UGT2A2: variants seen among roughly 807,000 people sequenced by gnomAD.
UGT2A2 encodes UDP-glucuronosyltransferase 2A2.
A neutral mutation model predicts 50.7 loss-of-function variants in UGT2A2; 60 were observed. That is an observed-to-expected ratio of 1.18 (90% CI 0.96 to 1.47). The LOEUF (loss-of-function observed/expected upper bound fraction) is 1.47, where lower values mean the gene tolerates loss of function less well. Among genes scored for constraint, UGT2A2 ranks in the 40% most tolerant of loss-of-function variants. The pLI is 0.00. For synonymous variants in UGT2A2, 242 were observed against 214.6 expected, an observed-to-expected ratio of 1.13 and a Z score of -1.11; for missense variants, 762 against 634.0, an observed-to-expected ratio of 1.20 and a Z score of -2.17.
chr4:69,633,538 T>G (rs937664648), intron 1 of UGT2A2, among the ~76,000 whole-genome samples: 1 of 152,078 alleles, frequency 6.6e-6, no homozygotes, highest in African/African-American at 2.4e-5. Context: ...AAAACCAAAA[T>G]AGCCTAAATT....
chr4:69,597,381 G>T (rs1718990420), intron 2 of UGT2A2, among the ~76,000 whole-genome samples: 1 of 152,080 alleles, frequency 6.6e-6, no homozygotes, highest in Non-Finnish European at 1.5e-5. Flanking sequence ...ATATAAATTT[G>T]TCTGCCAATA....
At chr4:69,592,135 G>T (rs1026856396) in intron 5 of UGT2A2, among the ~76,000 whole-genome samples, 3 of 152,118 alleles carry the variant, frequency 2.0e-5, no homozygotes, top group African/African-American at 7.2e-5. Context: ...TCACTGAATA[G>T]ATGTTTTTAA....
intron 1 of UGT2A2, among the ~76,000 whole-genome samples, chr4:69,614,493 A>G (rs1720256310): frequency 6.6e-6 from 1 of 152,050 alleles, no homozygotes; most frequent in South Asian, 2.1e-4. Context: ...GTATGGAACC[A>G]CAAAAGACCA....
chr4:69,592,041 G>A (rs1347415265), intron 5 of UGT2A2, among the ~76,000 whole-genome samples: 1 of 152,090 alleles, frequency 6.6e-6, no homozygotes, highest in African/African-American at 2.4e-5. Context: ...GCTGAGTCTT[G>A]GTATGAATCT....
intron 1 of UGT2A2, among the ~76,000 whole-genome samples, chr4:69,608,703 A>G (rs1719836951): frequency 6.6e-6 from 1 of 151,956 alleles, no homozygotes; most frequent in African/African-American, 2.4e-5. Flanking sequence ...TTTTATTATC[A>G]TTATTTTTAG....
chr4:69,622,302 G>A (rs1053464528), intron 1 of UGT2A2, among the ~76,000 whole-genome samples: 4 of 151,398 alleles, frequency 2.6e-5, no homozygotes, highest in Admixed American at 2.6e-4. Flanking sequence ...CCACAAAGAT[G>A]GGAAATTGGC....
intron 1 of UGT2A2, among the ~76,000 whole-genome samples, chr4:69,610,963 G>A (rs1720000418): frequency 6.6e-6 from 1 of 152,012 alleles, no homozygotes; most frequent in African/African-American, 2.4e-5. Flanking sequence ...ATTTCCTTAT[G>A]ATTCTTAAAG....
chr4:69,633,961 C>G (rs1182693659), intron 1 of UGT2A2, among the ~76,000 whole-genome samples: 4 of 151,996 alleles, frequency 2.6e-5, no homozygotes, highest in Non-Finnish European at 5.9e-5. Context: ...ATTTTAAAAA[C>G]CCGGCCGCGC....
At chr4:69,637,996 G>A (rs1213316031) in intron 1 of UGT2A2, among the ~76,000 whole-genome samples, 1 of 150,848 alleles carries the variant, frequency 6.6e-6, no homozygotes, top group Admixed American at 6.6e-5. Context: ...AGGAAGGCAG[G>A]CAGGAAGGAA....
rs1384747927 is a variant in UGT2A2 at position 69,637,896 on chromosome 4, A to C, written c.742+1003T>G. On this transcript the variant is annotated intron_variant, in intron 1 of 5. Transcript: ENST00000604629. ...AAGGAAGAAAAGTAAAAAAGGAAGG[A>C]AGGCAAGAAGGAAGGCAGGCAGGCA... 1.3e-5 allele frequency among the ~76,000 whole-genome samples: 2 copies of C among 151,454 alleles called. 1 individual carries two copies. Among genetic ancestry groups the C allele is most frequent in the South Asian group, 4.2e-4 (2 of 4,770 alleles).
intron 1 of UGT2A2, among the ~76,000 whole-genome samples, chr4:69,634,510 T>G (rs1721569551): frequency 6.6e-6 from 1 of 152,082 alleles, no homozygotes; most frequent in Non-Finnish European, 1.5e-5. Context: ...TTGTGATTAA[T>G]CTAGTTTAGT....
At chr4:69,629,584 C>G (rs1356588380) in intron 1 of UGT2A2, among the ~76,000 whole-genome samples, 2 of 151,998 alleles carry the variant, frequency 1.3e-5, no homozygotes, top group Non-Finnish European at 2.9e-5. Flanking sequence ...TGTGATTGAG[C>G]CTTAGCAATA....
chr4:69,603,614 G>A (rs11725441), intron 1 of UGT2A2: 25,038 of 135,270 alleles, frequency 0.19, 6,093 homozygotes, highest in Non-Finnish European at 0.22. Flanking sequence ...CGATCAAACT[G>A]CTCCGAGCTA....
chr4:69,636,079 T>A (rs1181262908), intron 1 of UGT2A2, among the ~76,000 whole-genome samples: 2 of 152,132 alleles, frequency 1.3e-5, no homozygotes, highest in Non-Finnish European at 2.9e-5. Context: ...AGAAAACAAG[T>A]TTTTTAACTG....
chr4:69,632,083 G>T (rs779720966), intron 1 of UGT2A2, among the ~76,000 whole-genome samples: 3 of 152,008 alleles, frequency 2.0e-5, no homozygotes, highest in African/African-American at 4.8e-5. Flanking sequence ...TTTTGAAAGA[G>T]ATTCACGAAA....
intron 2 of UGT2A2, among the ~76,000 whole-genome samples, chr4:69,599,007 A>T (rs1310508704): frequency 6.6e-6 from 1 of 152,124 alleles, no homozygotes; most frequent in Non-Finnish European, 1.5e-5. Context: ...CAAGGTGTAG[A>T]CACACTGATA....
intron 1 of UGT2A2, among the ~76,000 whole-genome samples, chr4:69,607,958 T>C (rs2109909628): frequency 1.3e-5 from 2 of 152,300 alleles, no homozygotes; most frequent in South Asian, 4.1e-4. Flanking sequence ...AGGAACACTT[T>C]TACACTGTTG....
chr4:69,589,892 A>C (rs137925293), intron 5 of UGT2A2, among the ~76,000 whole-genome samples: 3 of 152,336 alleles, frequency 2.0e-5, no homozygotes, highest in South Asian at 2.1e-4. Context: ...AGAGTAAGCC[A>C]GTTGTAAATA....
At chr4:69,630,734 T>C (rs913930639) in intron 1 of UGT2A2, among the ~76,000 whole-genome samples, 2 of 152,170 alleles carry the variant, frequency 1.3e-5, no homozygotes, top group African/African-American at 4.8e-5. Flanking sequence ...ATATGTTTTA[T>C]TATGTTAGCG....
Sources: allele counts gnomAD v4.1 joint callset (sites outside exome capture counted in the v4.1 genomes callset), GRCh38; gene constraint gnomAD v4.1.1; transcripts MANE v1.5; gene names NCBI Gene and HGNC (gene_info 2026-07-23, HGNC 2026-07-21).